Variants in DMRT2 observed in about 807,000 individuals in gnomAD.
DMRT2 encodes the protein doublesex and mab-3 related transcription factor 2, also known as doublesex- and mab-3-related transcription factor 2.
Under a neutral mutation model 43.5 loss-of-function variants are expected in DMRT2, and 33 were observed. The observed-to-expected ratio is 0.76, with a 90% CI of 0.58 to 1.01. The LOEUF (loss-of-function observed/expected upper bound fraction) is 1.01. DMRT2 is among the 50% of genes least tolerant of loss of function. DMRT2 has a pLI of 0.00. For synonymous variants in DMRT2, 395 were observed against 309.2 expected (o/e 1.28, Z -2.91); for missense variants, 1,064 against 748.0 (o/e 1.42, Z -4.93).
rs1176615422 is a variant in DMRT2, at chr9:1,057,474, T to C, written c.*201T>C. On this transcript the variant is annotated 3_prime_UTR_variant, in exon 4 of 4. Transcript: ENST00000358146. ...AAACTTACAGATGGAAATTGCCCAA[T>C]GTGCAAATTGTTAAGTACCACACTT... The C allele has an allele frequency of 3.4e-6, 2 of 588,564 alleles. No individual in the cohort carries two copies. The highest frequency in any genetic ancestry group is 3.7e-5 in the African/African-American group (2 of 53,886). 36.5% of individuals were successfully genotyped at this position (588,564 alleles called of 1,614,324 possible). A position where few individuals can be genotyped will look rare whatever the true frequency, so the allele number is the denominator to read the frequency against.
rs1460869131 is a variant in DMRT2, at chr9:1,050,471, G to C, written c.-349G>C. 6.6e-6 allele frequency: 1 copy of C among 152,238 alleles called. No homozygotes were observed. The highest frequency in any genetic ancestry group is 1.5e-5 in the Non-Finnish European group (1 of 68,058). The allele number at this position is 152,238 out of a possible 1,614,324, so 9.4% of individuals were successfully genotyped here. The stretch of plus-strand genomic sequence containing the variant: ...GCCTGGGTCAGAGGAAGCCGAAAGC[G>C]GCCTCAGCAAGGTGAGGCGCCCGAG... On this transcript the variant is annotated 5_prime_UTR_variant, in exon 1 of 4. Coordinates refer to ENST00000358146, the MANE Select transcript of DMRT2 (RefSeq NM_181872.6).
chr9:1,050,802 G>C (rs560079310), intron 1 of DMRT2, 27 bp downstream of exon 1: 1 of 152,504 alleles, frequency 6.6e-6, no homozygotes, highest in African/African-American at 2.4e-5. Flanking sequence ...CGCTCGGGGT[G>C]TCAGGGAGGG....
chr9:1,057,277 G>C lies in DMRT2; in HGVS notation c.*4G>C, dbSNP rs202045027. On this transcript the variant is annotated 3_prime_UTR_variant, in exon 4 of 4. Coordinates refer to ENST00000358146, the MANE Select transcript of DMRT2 (RefSeq NM_181872.6). ...CATCACTCGTGTCTCTCAGTGAAAGGCTGCTTAAACAGAAAGCTGGATTTT... is the reference window on the plus strand; with the variant it reads ...CATCACTCGTGTCTCTCAGTGAAAGCCTGCTTAAACAGAAAGCTGGATTTT... 5.6e-6 allele frequency: 9 copies of C among 1,599,962 alleles called. No homozygotes were observed. The highest frequency in any genetic ancestry group is 1.8e-5 in the Admixed American group (1 of 56,260).
chr9:1,052,210 C>G (rs758127591), intron 2 of DMRT2, 72 bp downstream of exon 2: 8 of 1,213,144 alleles, frequency 6.6e-6, no homozygotes, highest in African/African-American at 1.6e-5. Flanking sequence ...GCGGGGCGGC[C>G]GTCCACACCC....
rs1008755579 is a variant in DMRT2, at chr9:1,052,001, G to C, written c.388G>C (p.Gly130Arg). The part of the protein sequence containing the change: ...TPKCARCRNH[G>R]VVSCLKGHKR... ...CAAGTGCGCGCGCTGCCGCAACCAC[G>C]GCGTGGTGTCCTGCCTGAAGGGCCA... is the stretch of plus-strand genomic sequence containing the variant. The change falls in exon 2 of 4, where the codon GGC becomes CGC. Residue 130 changes from glycine (G) to arginine (R), a missense_variant. Transcript: ENST00000358146. The C allele has an allele frequency of 2.1e-6, 3 of 1,457,216 alleles. No homozygotes were observed. The African/African-American group carries it at 4.4e-5, about 22-fold the overall frequency. The allele number at this position is 1,457,216 out of a possible 1,614,324, so 90.3% of individuals were successfully genotyped here. A position where few individuals can be genotyped will look rare whatever the true frequency, so the allele number is the denominator to read the frequency against.
intron 2 of DMRT2, 30 bp downstream of exon 2, chr9:1,052,168 G>C: frequency 1.5e-6 from 2 of 1,333,778 alleles, no homozygotes; most frequent in South Asian, 3.8e-5. Context: ...GGGCGTCTCA[G>C]GCCACAGTGG....
At chr9:1,055,434 T>C (rs1017948870) in intron 3 of DMRT2, among the ~76,000 whole-genome samples, 1 of 152,220 alleles carries the variant, frequency 6.6e-6, no homozygotes, top group Non-Finnish European at 1.5e-5. Context: ...TTCAACCATT[T>C]TGGTATCCGG....
chr9:1,056,933 G>A lies in DMRT2; in HGVS notation c.1346G>A (p.Gly449Glu), dbSNP rs761138365. ...IVDTDSLAAQ[G>E]HVLTKISKEN... ...GACACGGACTCCCTGGCAGCTCAAG[G>A]GCATGTCTTAACGAAGATCAGCAAA... Residue 449 changes from glycine (G) to glutamate (E), a missense_variant, in exon 4 of 4, where the codon GGG (glycine) becomes GAG (glutamate). Physicochemically the swap from Gly to Glu is moderately conservative, Grantham distance 98 (BLOSUM62 -2). Coordinates refer to ENST00000358146, the MANE Select transcript of DMRT2 (RefSeq NM_181872.6). 3 of 1,614,092 alleles carry A rather than the reference G, an allele frequency of 1.9e-6. No individual in the cohort carries two copies. The South Asian group carries it at 3.3e-5, about 18-fold the overall frequency.
intron 2 of DMRT2, 91 bp from the exon 3 acceptor site, chr9:1,053,631 T>A: frequency 4.6e-6 from 5 of 1,082,102 alleles, no homozygotes; most frequent in Middle Eastern, 2.6e-4. Flanking sequence ...AGGGGGAGAG[T>A]TTCTAGAAGA....
intron 3 of DMRT2, 194 bp from the exon 4 acceptor site, chr9:1,056,022 A>G: frequency 3.5e-6 from 5 of 1,421,740 alleles, no homozygotes; most frequent in Non-Finnish European, 4.6e-6. Flanking sequence ...AAGTTGCAGT[A>G]TGGATATCTT....
At position 1,051,477 on chromosome 9, in the gene DMRT2, G is replaced by A; in HGVS notation, c.-44-93G>A. 1.5e-6 allele frequency: 2 copies of A among 1,375,952 alleles called. No individual in the cohort carries two copies. The highest frequency in any genetic ancestry group is 3.2e-5 in the South Asian group (2 of 62,616). The allele number at this position is 1,375,952 out of a possible 1,614,324, so 85.2% of individuals were successfully genotyped here. ...TGAGAACAGGATGACTCAAGCGGCC[G>A]GAGGCGGGCAGACCAGGAGCTTTGG... On this transcript the variant is annotated intron_variant, in intron 1 of 3. Coordinates refer to ENST00000358146, the MANE Select transcript of DMRT2 (RefSeq NM_181872.6). The surrounding 1 kb of genome is among the most constrained non-coding windows in gnomAD (Gnocchi z 5.9).
rs1406258869 is a variant in DMRT2, at chr9:1,056,643, C to T, written c.1056C>T (p.Asp352=). 12 of 1,614,212 alleles carry T rather than the reference C, an allele frequency of 7.4e-6. No homozygotes were observed. The highest frequency in any genetic ancestry group is 1.7e-5 in the Admixed American group (1 of 60,016). ...LVWPKCGPIS[D]TLLYQQCLLN... is the part of the protein sequence containing the mutation. ...GGCCCAAGTGTGGCCCCATTAGCGA[C>T]ACCCTCCTCTACCAGCAATGCCTGC... Residue 352 remains aspartate (D), a synonymous_variant, in exon 4 of 4, where the codon GAC becomes GAT. Coordinates refer to ENST00000358146, the MANE Select transcript of DMRT2 (RefSeq NM_181872.6).
chr9:1,053,290 C>T (rs574194683), intron 2 of DMRT2, among the ~76,000 whole-genome samples: 2 of 150,826 alleles, frequency 1.3e-5, no homozygotes, highest in African/African-American at 2.5e-5. Context: ...GAAATCCGCC[C>T]GGCCTCACTG....
At chr9:1,053,108 G>C (rs568552271) in intron 2 of DMRT2, 10 of 152,482 alleles carry the variant, frequency 6.6e-5, no homozygotes, top group African/African-American at 2.4e-4. Flanking sequence ...GCATATGCTG[G>C]GTAGGACGCG....
chr9:1,052,253 C>G (rs569872040), intron 2 of DMRT2, 115 bp downstream of exon 2: 6 of 767,376 alleles, frequency 7.8e-6, no homozygotes, highest in Admixed American at 4.3e-5. Flanking sequence ...GCCTGGCACT[C>G]CCTAGGAAGG....
At chr9:1,055,743 G>A (rs1250070631) in intron 3 of DMRT2, 1 of 1,492,904 alleles carries the variant, frequency 6.7e-7, no homozygotes, top group South Asian at 1.3e-5. Flanking sequence ...TTATTCTACA[G>A]CTATTATGTG....
rs1328929173 is a variant in DMRT2 at position 1,053,710 on chromosome 9, T to C, written c.526-12T>C. Reference sequence around the variant, plus strand: ...TTCAGGGCATTATTGATGATGTTTCTTGTGTTTACAGGACAAGAAGGGGCT... The same window carrying C: ...TTCAGGGCATTATTGATGATGTTTCCTGTGTTTACAGGACAAGAAGGGGCT... On this transcript the variant is annotated splice_polypyrimidine_tract_variant and intron_variant, in intron 2 of 3. Transcript: ENST00000358146. The C allele has an allele frequency of 4.4e-6, 7 of 1,608,406 alleles. No homozygotes were observed. Among genetic ancestry groups the C allele is most frequent in the Non-Finnish European group, 5.9e-6 (7 of 1,176,782 alleles).
Position 1,051,685 on chromosome 9 carries a change from G to T in DMRT2, c.72G>T (p.Glu24Asp). ...EIDVESLELE[E>D]DVCGAPRSTP... ...ATGTCGAGAGCCTGGAGCTGGAAGA[G>T]GACGTCTGCGGGGCGCCGCGGTCCA... The change falls in exon 2 of 4, where the codon GAG becomes GAT. Residue 24 changes from glutamate to aspartate, a missense_variant. By Grantham distance (45) the Glu-to-Asp change is conservative. Coordinates refer to ENST00000358146, the MANE Select transcript of DMRT2 (RefSeq NM_181872.6). This position sits in a 1 kb window ranked among gnomAD's most constrained non-coding sequence, Gnocchi z 5.9. The T allele has an allele frequency of 6.4e-7, 1 of 1,564,010 alleles. No individual in the cohort carries two copies. Among genetic ancestry groups the T allele is most frequent in the East Asian group, 2.4e-5 (1 of 41,502 alleles).
intron 3 of DMRT2, among the ~76,000 whole-genome samples, chr9:1,054,423 T>C (rs1821828781): frequency 1.3e-5 from 2 of 148,776 alleles, no homozygotes; most frequent in African/African-American, 5.0e-5. Context: ...TTTTTTTTTT[T>C]TGGATTACTT....
Sources: gnomAD v4.1 joint callset for allele counts (sites outside exome capture counted in the v4.1 genomes callset) on GRCh38, gnomAD v4.1.1 for gene constraint, Gnocchi (gnomAD v3.1) non-coding constraint, MANE v1.5 for transcripts, NCBI Gene and HGNC (gene_info 2026-07-23, HGNC 2026-07-21) for gene names.